The following ADAMTSL1 variants were observed in gnomAD, a reference collection of about 807,000 sequenced individuals.
ADAMTSL1 encodes the protein ADAMTS like 1, also known as ADAMTS-like protein 1.
A neutral mutation model predicts 201.8 loss-of-function variants in ADAMTSL1; 126 were observed. The observed-to-expected ratio is 0.62, with a 90% CI of 0.54 to 0.72. The LOEUF is 0.72. ADAMTSL1 is among the 30% of genes least tolerant of loss of function. The pLI, the probability that ADAMTSL1 is intolerant of heterozygous loss-of-function variation, is 0.00. For missense variants in ADAMTSL1, 2,679 were observed against 2,277.8 expected (o/e 1.18, Z -3.59); for synonymous variants, 1,121 against 903.4 (o/e 1.24, Z -4.32).
intron 2 of ADAMTSL1, among the ~76,000 whole-genome samples, chr9:18,186,540 C>T (rs1281552793): frequency 6.6e-6 from 1 of 151,918 alleles, no homozygotes; most frequent in Non-Finnish European, 1.5e-5. Flanking sequence ...ATGTAATGCC[C>T]CACCATAAAA....
At chr9:18,161,439 A>C (rs1343718470) in intron 1 of ADAMTSL1, among the ~76,000 whole-genome samples, 1 of 152,118 alleles carries the variant, frequency 6.6e-6, no homozygotes, top group Non-Finnish European at 1.5e-5. Context: ...GGATAATAGA[A>C]TTCAAAATAG....
intron 1 of ADAMTSL1, among the ~76,000 whole-genome samples, chr9:18,004,381 C>G (rs535946296): frequency 6.6e-6 from 1 of 151,972 alleles, no homozygotes; most frequent in Non-Finnish European, 1.5e-5. Flanking sequence ...GCTCCTTCTG[C>G]AGGTGGTAAG....
intron 2 of ADAMTSL1, among the ~76,000 whole-genome samples, chr9:18,373,516 C>T (rs1347256169): frequency 1.3e-5 from 2 of 152,038 alleles, no homozygotes; most frequent in East Asian, 1.9e-4. Context: ...GCTCTGCCCT[C>T]GGAAGTTAGG....
At chr9:18,655,276 C>T (rs940733485) in intron 7 of ADAMTSL1, among the ~76,000 whole-genome samples, 15 of 152,186 alleles carry the variant, frequency 9.9e-5, no homozygotes, top group South Asian at 6.2e-4. Context: ...CTATGGCCCT[C>T]CAGCTCTGTC....
At chr9:18,594,514 A>G (rs1019248299) in intron 4 of ADAMTSL1, among the ~76,000 whole-genome samples, 1 of 151,710 alleles carries the variant, frequency 6.6e-6, no homozygotes, top group Non-Finnish European at 1.5e-5. Flanking sequence ...ATTCCTTTTC[A>G]TTCTTTCTTT....
chr9:18,005,132 T>C (rs888506464), intron 1 of ADAMTSL1, among the ~76,000 whole-genome samples: 13 of 152,060 alleles, frequency 8.5e-5, no homozygotes, highest in Non-Finnish European at 1.5e-4. Context: ...AGCACATAAC[T>C]GAGTTTATAG....
chr9:18,849,984 G>A (rs796628672), intron 23 of ADAMTSL1, among the ~76,000 whole-genome samples: 23 of 152,324 alleles, frequency 1.5e-4, no homozygotes, highest in African/African-American at 5.5e-4. Flanking sequence ...GAATACAGCA[G>A]TTCTTTGGAC....
At chr9:18,867,636 C>G (rs945145557) in intron 23 of ADAMTSL1, among the ~76,000 whole-genome samples, 5 of 148,978 alleles carry the variant, frequency 3.4e-5, no homozygotes, top group African/African-American at 1.2e-4. Context: ...ATGCGTACAT[C>G]TTTTTTTTTT....
intron 1 of ADAMTSL1, among the ~76,000 whole-genome samples, chr9:18,142,776 C>T (rs1326149182): frequency 6.6e-6 from 1 of 152,066 alleles, no homozygotes; most frequent in Admixed American, 6.6e-5. Context: ...AACAAGTGAC[C>T]CAGGCCATAT....
intron 1 of ADAMTSL1, among the ~76,000 whole-genome samples, chr9:17,961,115 T>A (rs949428084): frequency 3.9e-5 from 6 of 152,186 alleles, no homozygotes; most frequent in Non-Finnish European, 7.3e-5. Flanking sequence ...AAAGGGACTT[T>A]GGAATCACTT....
intron 2 of ADAMTSL1, among the ~76,000 whole-genome samples, chr9:18,199,624 A>G (rs539966704): frequency 2.0e-5 from 3 of 152,268 alleles, no homozygotes; most frequent in South Asian, 2.1e-4. Flanking sequence ...CCTGTGGCTT[A>G]AAGTCCAAAG....
rs543689448 is a variant in ADAMTSL1 at position 18,630,452 on chromosome 9, T to C, written c.602-5491T>C. Among the ~76,000 whole-genome samples the C allele has an allele frequency of 1.2e-3, 176 of 152,350 alleles. 2 individuals are homozygous for C. In the South Asian group the frequency reaches 0.012, roughly 10 times the overall value. On this transcript the variant is annotated intron_variant, in intron 5 of 28. Transcript: ENST00000380548. The stretch of plus-strand genomic sequence containing the variant: ...GGGTGTCCAGAGTTGTCCTTCTGTA[T>C]AGCTCTCTCCTTTCTGTTACTTTGT...
At chr9:18,673,625 T>C (rs1187318490) in intron 9 of ADAMTSL1, among the ~76,000 whole-genome samples, 1 of 152,230 alleles carries the variant, frequency 6.6e-6, no homozygotes, top group Non-Finnish European at 1.5e-5. Flanking sequence ...CCTTCAGTGT[T>C]ACTGCCTCCA....
At chr9:18,090,779 T>C (rs1823977935) in intron 1 of ADAMTSL1, among the ~76,000 whole-genome samples, 1 of 152,190 alleles carries the variant, frequency 6.6e-6, no homozygotes, top group African/African-American at 2.4e-5. Flanking sequence ...TAAAAATAAC[T>C]GGAAAGTCAT....
chr9:18,604,018 A>ATT (rs1824845023), intron 4 of ADAMTSL1, among the ~76,000 whole-genome samples: 1 of 152,212 alleles, frequency 6.6e-6, no homozygotes, highest in African/African-American at 2.4e-5. Flanking sequence ...AAAAGCAGGC[A>ATT]TATTTATCCC....
chr9:18,599,275 A>G (rs372610902), intron 4 of ADAMTSL1, among the ~76,000 whole-genome samples: 61 of 152,308 alleles, frequency 4.0e-4, no homozygotes, highest in Middle Eastern at 3.4e-3. Flanking sequence ...TAAAAATACA[A>G]TTTGGCTTGT....
At chr9:18,301,197 A>C (rs10810948) in intron 2 of ADAMTSL1, among the ~76,000 whole-genome samples, 17,785 of 152,282 alleles carry the variant, frequency 0.12, 1,185 homozygotes, top group East Asian at 0.22. Flanking sequence ...ACACACATTC[A>C]TTATAAAGTG....
chr9:18,759,820 C>T (rs1351955922), intron 16 of ADAMTSL1, among the ~76,000 whole-genome samples: 1 of 152,184 alleles, frequency 6.6e-6, no homozygotes, highest in Admixed American at 6.5e-5. Flanking sequence ...GTCAAGAAAG[C>T]TTGAGACTAG....
At chr9:18,591,082 T>A (rs1823883032) in intron 4 of ADAMTSL1, among the ~76,000 whole-genome samples, 2 of 152,180 alleles carry the variant, frequency 1.3e-5, no homozygotes, top group African/African-American at 2.4e-5. Flanking sequence ...TGCTTTTTTG[T>A]TAAATTTCTG....
Sources: allele counts gnomAD v4.1 joint callset (sites outside exome capture counted in the v4.1 genomes callset), GRCh38; gene constraint gnomAD v4.1.1; transcripts MANE v1.5; gene names NCBI Gene and HGNC (gene_info 2026-07-23, HGNC 2026-07-21).